The following EPB41 variants were observed in gnomAD, a reference collection of about 807,000 sequenced individuals.
EPB41 encodes the protein protein 4.1.
EPB41 carries 65 observed loss-of-function variants against 108.0 expected under a neutral mutation model. That is an observed-to-expected ratio of 0.60 (90% CI 0.49 to 0.74). The LOEUF (loss-of-function observed/expected upper bound fraction) is 0.74, where lower values mean the gene tolerates loss of function less well. Among genes scored for constraint, EPB41 ranks in the 30% least tolerant of loss-of-function variants. The pLI, the probability that EPB41 is intolerant of heterozygous loss-of-function variation, is 0.00. For missense variants in EPB41, 875 were observed against 1,037.0 expected, an observed-to-expected ratio of 0.84 and a Z score of 2.15; for synonymous variants, 336 against 358.9, an observed-to-expected ratio of 0.94 and a Z score of 0.72.
intron 1 of EPB41, among the ~76,000 whole-genome samples, chr1:28,923,226 G>A (rs1425240428): frequency 6.8e-6 from 1 of 148,100 alleles, no homozygotes; most frequent in Non-Finnish European, 1.5e-5. Flanking sequence ...CTCCCAAGTA[G>A]CTGGGATTAC....
rs375817878 is a variant in EPB41 at position 28,935,438 on chromosome 1, A to AACACACAC, written c.-8+20693_-8+20700dup. 1.5e-4 allele frequency among the ~76,000 whole-genome samples: 8 copies of AACACACAC among 52,114 alleles called. 2 individuals are homozygous for AACACACAC. The highest frequency in any genetic ancestry group is 2.6e-3 in the East Asian group (2 of 758). The allele number at this position is 52,114 out of a possible 152,430, so 34.2% of individuals were successfully genotyped here. ...GAGACAGAGCAACATCCTGTCTCAAAACACACACACACACACACACACACA... is the reference window on the plus strand; with the variant it reads ...GAGACAGAGCAACATCCTGTCTCAAAACACACACACACACACACACACACACACACACA... On this transcript the variant is annotated intron_variant, in intron 1 of 20. Transcript: ENST00000343067.
intron 1 of EPB41, among the ~76,000 whole-genome samples, chr1:28,915,988 C>A (rs552582442): frequency 3.9e-5 from 6 of 152,166 alleles, no homozygotes; most frequent in Admixed American, 3.9e-4. Flanking sequence ...GTATATGTTT[C>A]TTCCCGTCCC....
intron 1 of EPB41, among the ~76,000 whole-genome samples, chr1:28,945,810 G>A (rs74067239): frequency 2.6e-4 from 40 of 152,288 alleles, no homozygotes; most frequent in African/African-American, 9.6e-4. Context: ...TTTCCTTTCA[G>A]TGATACAAAA....
At chr1:29,044,699 C>A (rs564838005) in intron 11 of EPB41, among the ~76,000 whole-genome samples, 2 of 152,092 alleles carry the variant, frequency 1.3e-5, no homozygotes, top group African/African-American at 4.8e-5. Flanking sequence ...AAAATATTAG[C>A]CAGTTAGCTG....
At chr1:29,067,546 A>T (rs1407862745) in intron 16 of EPB41, among the ~76,000 whole-genome samples, 2 of 149,012 alleles carry the variant, frequency 1.3e-5, no homozygotes, top group African/African-American at 4.9e-5. Context: ...ATGCGCCTGT[A>T]ATCTCAGCTA....
chr1:28,961,798 G>T (rs934038003), intron 1 of EPB41, among the ~76,000 whole-genome samples: 3 of 152,100 alleles, frequency 2.0e-5, no homozygotes, highest in Non-Finnish European at 4.4e-5. Flanking sequence ...CCAGATCCAG[G>T]AGTGGAATAA....
At chr1:28,944,948 G>A (rs573462111) in intron 1 of EPB41, among the ~76,000 whole-genome samples, 3 of 151,772 alleles carry the variant, frequency 2.0e-5, no homozygotes, top group Admixed American at 6.6e-5. Flanking sequence ...AAAATTAGCC[G>A]AGCATGGTGG....
At chr1:29,025,314 C>A (rs1258219680) in intron 7 of EPB41, among the ~76,000 whole-genome samples, 1 of 151,996 alleles carries the variant, frequency 6.6e-6, no homozygotes, top group Non-Finnish European at 1.5e-5. Context: ...ATAGCTCTAT[C>A]CTGATTGCAC....
upstream of EPB41, chr1:28,887,101 T>C (rs1230901131): frequency 3.3e-6 from 2 of 599,306 alleles, no homozygotes; most frequent in Non-Finnish European, 5.5e-6. This position sits in a 1 kb window ranked among gnomAD's most constrained non-coding sequence, Gnocchi z 4.9. Flanking sequence ...AGTTGCCCTG[T>C]CAGTGCAGGT....
chr1:29,002,242 C>A (rs2096307951), intron 4 of EPB41, among the ~76,000 whole-genome samples: 1 of 151,938 alleles, frequency 6.6e-6, no homozygotes, highest in Non-Finnish European at 1.5e-5. Flanking sequence ...GCAAGTGGAT[C>A]ACTTGAGCCC....
chr1:28,958,821 A>G (rs1398677400), intron 1 of EPB41, among the ~76,000 whole-genome samples: 2 of 114,214 alleles, frequency 1.8e-5, no homozygotes, highest in African/African-American at 6.5e-5. Context: ...CCTGTCTCCA[A>G]AAAAAAAAAA....
rs1428719804 is a variant in EPB41, at chr1:29,115,085, AATAG to A, written c.2497-609_2497-606del. 1.3e-5 allele frequency among the ~76,000 whole-genome samples: 2 copies of A among 152,096 alleles called. No homozygotes were observed. Among genetic ancestry groups the A allele is most frequent in the African/African-American group, 4.8e-5 (2 of 41,406 alleles). On this transcript the variant is annotated intron_variant, in intron 19 of 20. Coordinates refer to ENST00000343067, the MANE Select transcript of EPB41 (RefSeq NM_001376013.1). The surrounding 1 kb of genome is among the most constrained non-coding windows in gnomAD (Gnocchi z 4.4). ...AGACCCTCCAGGTATAATGATAGATAATAGATAGGTATAATAGATAATATAGGCC... is the reference window on the plus strand; with the variant it reads ...AGACCCTCCAGGTATAATGATAGATAATAGGTATAATAGATAATATAGGCC...
rs2090050714 is a variant in EPB41 at position 28,890,958 on chromosome 1, G to T, written c.-8+3748G>T. 7 of 985,374 alleles carry T rather than the reference G, an allele frequency of 7.1e-6. No homozygotes were observed. In the South Asian group the frequency reaches 2.8e-4, roughly 40 times the overall value. 61.0% of individuals were successfully genotyped at this position (985,374 alleles called of 1,614,324 possible). On this transcript the variant is annotated intron_variant, in intron 1 of 16. Coordinates refer to the EPB41 transcript ENST00000347529. ...AAGCTCTGAGCTCTGGGATCTTGAG[G>T]CTGGGGAACTGGGGAACAAGCTGTG...
intron 20 of EPB41, among the ~76,000 whole-genome samples, chr1:29,116,359 G>A (rs2151777441): frequency 6.6e-6 from 1 of 152,196 alleles, no homozygotes; most frequent in African/African-American, 2.4e-5. Context: ...ATGTTGGCCA[G>A]GTTAGTCTCG....
At chr1:28,891,119 G>A (rs889524304) in intron 1 of EPB41, 2 of 437,726 alleles carry the variant, frequency 4.6e-6, no homozygotes, top group African/African-American at 4.3e-5. Flanking sequence ...GTGCAAGACT[G>A]GGCACTGAAA....
chr1:29,098,931 G>T (rs571978522), intron 17 of EPB41, among the ~76,000 whole-genome samples: 6 of 150,780 alleles, frequency 4.0e-5, no homozygotes, highest in Non-Finnish European at 8.9e-5. Flanking sequence ...CACCATGTTG[G>T]CCAGGCTAGT....
intron 1 of EPB41, among the ~76,000 whole-genome samples, chr1:28,955,189 A>T (rs747567293): frequency 6.6e-6 from 1 of 152,204 alleles, no homozygotes; most frequent in African/African-American, 2.4e-5. Context: ...GCCAGTTACA[A>T]TGGGTATTTG....
At chr1:29,064,268 T>C (rs1302485478) in intron 15 of EPB41, among the ~76,000 whole-genome samples, 1 of 152,186 alleles carries the variant, frequency 6.6e-6, no homozygotes, top group Non-Finnish European at 1.5e-5. Flanking sequence ...CTAAGGCGTT[T>C]AGTTTATGTG....
intron 1 of EPB41, among the ~76,000 whole-genome samples, chr1:28,933,547 C>G (rs1216420595): frequency 6.6e-6 from 1 of 152,136 alleles, no homozygotes; most frequent in Non-Finnish European, 1.5e-5. Flanking sequence ...TTATTGTCAC[C>G]TAGGATGACC....
Sources: gnomAD v4.1 joint callset for allele counts (sites outside exome capture counted in the v4.1 genomes callset) on GRCh38, gnomAD v4.1.1 for gene constraint, Gnocchi (gnomAD v3.1) non-coding constraint, MANE v1.5 for transcripts, NCBI Gene and HGNC (gene_info 2026-07-23, HGNC 2026-07-21) for gene names.